The following FOCAD variants were observed in gnomAD, a reference collection of about 807,000 sequenced individuals.
The protein encoded by FOCAD is focadhesin, also known as KIAA1797.
FOCAD carries 198 observed loss-of-function variants against 225.6 expected under a neutral mutation model. The ratio of observed to expected loss-of-function variants is 0.88; its 90% CI spans 0.78 to 0.99. The LOEUF (loss-of-function observed/expected upper bound fraction) is 0.99. Among genes scored for constraint, FOCAD ranks in the 50% least tolerant of loss-of-function variants. The probability of loss-of-function intolerance (pLI) is 0.00; values close to 1 mark genes in which losing one functional copy is unlikely to be tolerated. For missense variants in FOCAD, 2,713 were observed against 2,123.6 expected (o/e 1.28, Z -5.46); for synonymous variants, 897 against 755.0 (o/e 1.19, Z -3.08).
intron 1 of FOCAD, among the ~76,000 whole-genome samples, chr9:20,702,677 C>G (rs1324937574): frequency 2.0e-5 from 3 of 152,174 alleles, no homozygotes; most frequent in Non-Finnish European, 4.4e-5. Context: ...TGGTAAAATT[C>G]TCAATAAATC....
intron 20 of FOCAD, among the ~76,000 whole-genome samples, chr9:20,884,702 T>C (rs1224385562): frequency 6.6e-6 from 1 of 152,170 alleles, no homozygotes; most frequent in Non-Finnish European, 1.5e-5. Flanking sequence ...CTTTTAGTTA[T>C]AAATATCTCT....
At chr9:20,983,314 C>T (rs1204685171) in intron 39 of FOCAD, among the ~76,000 whole-genome samples, 1 of 152,140 alleles carries the variant, frequency 6.6e-6, no homozygotes, top group East Asian at 1.9e-4. Flanking sequence ...TGGCTCACGC[C>T]TGTAATCCCA....
chr9:20,737,028 C>T (rs1247134341), intron 4 of FOCAD, among the ~76,000 whole-genome samples: 5 of 151,936 alleles, frequency 3.3e-5, no homozygotes, highest in Admixed American at 1.3e-4. Flanking sequence ...ATTTGAATGG[C>T]GCTATGTGTA....
intron 5 of FOCAD, among the ~76,000 whole-genome samples, chr9:20,747,939 T>A (rs1828200228): frequency 6.6e-6 from 1 of 151,648 alleles, no homozygotes; most frequent in Non-Finnish European, 1.5e-5. Context: ...TCTACATACA[T>A]TTCATTATTA....
chr9:20,832,104 C>T (rs1253018397), intron 15 of FOCAD, among the ~76,000 whole-genome samples: 2 of 151,730 alleles, frequency 1.3e-5, no homozygotes, highest in Non-Finnish European at 2.9e-5. Context: ...TGGCTTTTTT[C>T]CATTTTTTTG....
intron 20 of FOCAD, among the ~76,000 whole-genome samples, chr9:20,884,205 A>G (rs561620715): frequency 6.6e-6 from 1 of 152,118 alleles, no homozygotes; most frequent in African/African-American, 2.4e-5. Flanking sequence ...ATTTATTTAT[A>G]CTTATACTTA....
rs367589708 is a variant in FOCAD, at chr9:20,730,997, A to G, written c.288-9239A>G. 2.0e-5 allele frequency among the ~76,000 whole-genome samples: 3 copies of G among 152,298 alleles called. No individual in the cohort carries two copies. In the South Asian group the frequency reaches 6.2e-4, roughly 32 times the overall value. ...ACGCCTGTAATCCCAGCACTTTGGG[A>G]GGCTGAGGCGGGCAGATCACCTGAG... On this transcript the variant is annotated intron_variant, in intron 4 of 43. Coordinates refer to ENST00000338382, the MANE Select transcript of FOCAD (RefSeq NM_001375567.1).
At chr9:20,769,960 C>A in intron 7 of FOCAD, 72 bp from the exon 8 acceptor site, 1 of 1,386,394 alleles carries the variant, frequency 7.2e-7, no homozygotes, top group South Asian at 1.3e-5. Context: ...TTGTTCAAAG[C>A]TTTTTGTGTA....
intron 2 of FOCAD, among the ~76,000 whole-genome samples, chr9:20,679,115 C>CTGTGTG (rs1221269261): frequency 2.4e-4 from 22 of 93,048 alleles, no homozygotes; most frequent in Middle Eastern, 6.0e-3. Context: ...AACAGACAGT[C>CTGTGTG]TGTGTATGTG....
intron 35 of FOCAD, among the ~76,000 whole-genome samples, chr9:20,972,392 T>G (rs1026502112): frequency 6.6e-6 from 1 of 152,172 alleles, no homozygotes; most frequent in Non-Finnish European, 1.5e-5. Flanking sequence ...TTTTTCCTTC[T>G]GATTAGTGAT....
chr9:20,801,069 C>T lies in FOCAD; in HGVS notation c.1455+11461C>T, dbSNP rs566808175. Among the ~76,000 whole-genome samples, 3 of 152,270 alleles carry T rather than the reference C, an allele frequency of 2.0e-5. No individual in the cohort carries two copies. The East Asian group carries it at 5.8e-4, about 30-fold the overall frequency. On this transcript the variant is annotated intron_variant, in intron 11 of 43. Transcript: ENST00000338382. ...GTTTGTTAGTTTTCCTTCTAACAGT[C>T]AGTACCCTCAACTTCAGGTGCGTTG...
intron 15 of FOCAD, among the ~76,000 whole-genome samples, chr9:20,825,603 C>G (rs1824807922): frequency 6.6e-6 from 1 of 151,888 alleles, no homozygotes; most frequent in Non-Finnish European, 1.5e-5. Flanking sequence ...AAGAAAATAC[C>G]TTAGTTGGAA....
chr9:20,709,553 A>G (rs909173100), intron 1 of FOCAD, among the ~76,000 whole-genome samples: 1 of 151,630 alleles, frequency 6.6e-6, no homozygotes, highest in Non-Finnish European at 1.5e-5. Context: ...ACACTTGCCA[A>G]TGCTAAAGTG....
intron 6 of FOCAD, among the ~76,000 whole-genome samples, chr9:20,764,334 A>G (rs1401710503): frequency 6.6e-6 from 1 of 152,074 alleles, no homozygotes; most frequent in East Asian, 1.9e-4. Context: ...GCTCACTGCA[A>G]CCTCTGCCTC....
rs148234430 is a variant in FOCAD, at chr9:20,929,442, A to G, written c.3163A>G (p.Ile1055Val). 4.2e-4 allele frequency: 681 copies of G among 1,613,974 alleles called. 1 individual carries two copies. Among genetic ancestry groups the G allele is most frequent in the Non-Finnish European group, 5.1e-4 (602 of 1,180,026 alleles). The change falls in exon 27 of 44, where the codon ATT (isoleucine) becomes GTT (valine). Residue 1055 changes from isoleucine to valine, a missense_variant. Coordinates refer to ENST00000338382, the MANE Select transcript of FOCAD (RefSeq NM_001375567.1). ...TALSLLVPVF[I>V]ISCKEKVEEI... Reference sequence around the variant, plus strand: ...TTTGTCTCTCCTTGTGCCAGTTTTCATTATCTCTTGCAAAGAGAAGGTTGA... The same window carrying G: ...TTTGTCTCTCCTTGTGCCAGTTTTCGTTATCTCTTGCAAAGAGAAGGTTGA...
chr9:20,981,442 A>G lies in FOCAD; in HGVS notation c.4394A>G (p.Tyr1465Cys), dbSNP rs146688353. 5 of 1,614,006 alleles carry G rather than the reference A, an allele frequency of 3.1e-6. No individual in the cohort carries two copies. The highest frequency in any genetic ancestry group is 4.5e-5 in the East Asian group (2 of 44,892). The change falls in exon 38 of 44, where the codon TAT becomes TGT. Residue 1465 changes from tyrosine (Y) to cysteine (C), a missense_variant. Coordinates refer to ENST00000338382, the MANE Select transcript of FOCAD (RefSeq NM_001375567.1). Reference sequence around the variant, plus strand: ...TACTTCCAGCTGAATACCAAGAGATATCTCCTGATATCTGCACCTCTGTGG... The same window carrying G: ...TACTTCCAGCTGAATACCAAGAGATGTCTCCTGATATCTGCACCTCTGTGG... Reference protein sequence around the residue: ...IHSLSLNTKRYLLISAPLWIK... With the variant: ...IHSLSLNTKRCLLISAPLWIK...
chr9:20,960,874 G>A (rs1199422867), intron 35 of FOCAD, among the ~76,000 whole-genome samples: 1 of 151,998 alleles, frequency 6.6e-6, no homozygotes, highest in Non-Finnish European at 1.5e-5. Context: ...ATAGTTTGCT[G>A]AGAATGATGG....
At chr9:20,777,996 A>AGGAGAATGGCGT (rs1818945611) in intron 8 of FOCAD, among the ~76,000 whole-genome samples, 1 of 145,208 alleles carries the variant, frequency 6.9e-6, no homozygotes, top group African/African-American at 2.5e-5. Context: ...AGGCTGAGGC[A>AGGAGAATGGCGT]GGAGAATGGC....
intron 12 of FOCAD, 34 bp from the exon 13 acceptor site, chr9:20,820,290 T>G: frequency 6.6e-7 from 1 of 1,523,418 alleles, no homozygotes; most frequent in Non-Finnish European, 9.0e-7. Flanking sequence ...TGCATTCAAG[T>G]TTATGCAACT....
Sources: gnomAD v4.1 joint callset for allele counts (sites outside exome capture counted in the v4.1 genomes callset) on GRCh38, gnomAD v4.1.1 for gene constraint, MANE v1.5 for transcripts, NCBI Gene and HGNC (gene_info 2026-07-23, HGNC 2026-07-21) for gene names.